Variants in ST7 observed in about 807,000 individuals in gnomAD.
ST7 encodes suppressor of tumorigenicity 7 protein.
ST7 carries 28 observed loss-of-function variants against 78.7 expected under a neutral mutation model. That is an observed-to-expected ratio of 0.36 (90% CI 0.26 to 0.49). The LOEUF is 0.49. ST7 is among the 20% of genes least tolerant of loss of function. The pLI, the probability that ST7 is intolerant of heterozygous loss-of-function variation, is 0.99. For missense variants in ST7, 418 were observed against 696.0 expected (o/e 0.60, Z 4.49); for synonymous variants, 247 against 249.6 (o/e 0.99, Z 0.10).
intron 1 of ST7, among the ~76,000 whole-genome samples, chr7:116,977,316 T>C (rs1459954861): frequency 2.0e-5 from 3 of 152,190 alleles, no homozygotes; most frequent in Non-Finnish European, 4.4e-5. Context: ...CTGCAAAAAA[T>C]GCAGATGTTG....
At chr7:117,226,734 G>C (rs1793472433) in intron 15 of ST7, among the ~76,000 whole-genome samples, 1 of 152,158 alleles carries the variant, frequency 6.6e-6, no homozygotes, top group Non-Finnish European at 1.5e-5. Flanking sequence ...TGTGGGGGAA[G>C]GTGGCTTAGT....
chr7:117,010,752 G>C (rs975326225), intron 1 of ST7, among the ~76,000 whole-genome samples: 1 of 152,082 alleles, frequency 6.6e-6, no homozygotes, highest in African/African-American at 2.4e-5. Context: ...TAACAAAGTC[G>C]GTTATTGTAT....
At chr7:117,125,209 A>C (rs1262172929) in intron 3 of ST7, among the ~76,000 whole-genome samples, 2 of 152,156 alleles carry the variant, frequency 1.3e-5, no homozygotes, top group African/African-American at 2.4e-5. Context: ...TTTAGTAGCT[A>C]GTGAACACTT....
intron 1 of ST7, 47 bp from the exon 2 acceptor site, chr7:117,099,709 ACATACT>A: frequency 2.3e-6 from 3 of 1,312,270 alleles, no homozygotes; most frequent in Non-Finnish European, 3.2e-6. Flanking sequence ...GGTTTTACTG[ACATACT>A]CATACATTCC....
At chr7:116,984,548 A>G (rs1794107610) in intron 1 of ST7, among the ~76,000 whole-genome samples, 1 of 152,100 alleles carries the variant, frequency 6.6e-6, no homozygotes, top group Non-Finnish European at 1.5e-5. Flanking sequence ...CCAGTAATAG[A>G]TGGCAGGGGG....
intron 1 of ST7, among the ~76,000 whole-genome samples, chr7:117,057,168 T>G (rs1798106076): frequency 6.6e-6 from 1 of 152,172 alleles, no homozygotes; most frequent in African/African-American, 2.4e-5. Context: ...AATTTAAAGG[T>G]TTTCATATAC....
chr7:117,154,019 G>A (rs1210739618), intron 9 of ST7, among the ~76,000 whole-genome samples: 1 of 152,152 alleles, frequency 6.6e-6, no homozygotes, highest in African/African-American at 2.4e-5. Context: ...GGAGTGCAGC[G>A]TGATGAATTA....
chr7:117,121,528 T>C (rs1803362736), intron 3 of ST7, among the ~76,000 whole-genome samples: 1 of 152,332 alleles, frequency 6.6e-6, no homozygotes, highest in East Asian at 1.9e-4. Flanking sequence ...TTATGAAATG[T>C]GGATGGGTTA....
At chr7:116,982,466 C>T (rs1452422873) in intron 1 of ST7, among the ~76,000 whole-genome samples, 1 of 152,080 alleles carries the variant, frequency 6.6e-6, no homozygotes, top group African/African-American at 2.4e-5. Flanking sequence ...TCAGGTGATC[C>T]GCCTGCCTCG....
intron 1 of ST7, among the ~76,000 whole-genome samples, chr7:117,022,552 A>G (rs1255172695): frequency 2.0e-5 from 3 of 152,168 alleles, no homozygotes; most frequent in Non-Finnish European, 4.4e-5. Flanking sequence ...TTTGGAGGCT[A>G]TTTTTTAGGT....
chr7:116,973,542 C>T (rs551108021), intron 1 of ST7, among the ~76,000 whole-genome samples: 1 of 152,290 alleles, frequency 6.6e-6, no homozygotes, highest in South Asian at 2.1e-4. Context: ...CAGGTGTGAG[C>T]ACTGCTCCTG....
intron 9 of ST7, among the ~76,000 whole-genome samples, chr7:117,162,470 A>G (rs1445747541): frequency 6.7e-6 from 1 of 149,372 alleles, no homozygotes; most frequent in Non-Finnish European, 1.5e-5. Flanking sequence ...TTATGATGGG[A>G]TTTTCCTCAT....
intron 9 of ST7, among the ~76,000 whole-genome samples, chr7:117,150,735 T>C (rs1176573156): frequency 6.6e-6 from 1 of 152,214 alleles, no homozygotes; most frequent in East Asian, 1.9e-4. Context: ...TTCCCTCTTC[T>C]CTGTTGAACT....
chr7:117,220,336 T>C (rs1792997218), intron 14 of ST7, among the ~76,000 whole-genome samples: 1 of 152,166 alleles, frequency 6.6e-6, no homozygotes, highest in Non-Finnish European at 1.5e-5. Flanking sequence ...TTCTCACCGT[T>C]CGAGTTTGAT....
chr7:117,056,332 G>T (rs1186928645), intron 1 of ST7, among the ~76,000 whole-genome samples: 1 of 152,112 alleles, frequency 6.6e-6, no homozygotes, highest in Admixed American at 6.5e-5. Flanking sequence ...AGAGTTACAT[G>T]AGATTAAAGA....
At chr7:117,182,162 T>A (rs1454830981) in intron 10 of ST7, among the ~76,000 whole-genome samples, 1 of 152,198 alleles carries the variant, frequency 6.6e-6, no homozygotes, top group African/African-American at 2.4e-5. Context: ...GTTCTAGATT[T>A]GTGATATTGG....
chr7:116,977,006 G>T (rs1167749532), intron 1 of ST7, among the ~76,000 whole-genome samples: 1 of 152,088 alleles, frequency 6.6e-6, no homozygotes, highest in Admixed American at 6.6e-5. Context: ...GAATAAGGAG[G>T]CTTTTTGTGA....
intron 1 of ST7, among the ~76,000 whole-genome samples, chr7:116,990,365 C>T (rs1356871207): frequency 6.6e-6 from 1 of 152,028 alleles, no homozygotes; most frequent in African/African-American, 2.4e-5. Context: ...AAACTCATTC[C>T]TTTTACTTTT....
At chr7:116,961,018 CT>C (rs1485401541) in intron 1 of ST7, among the ~76,000 whole-genome samples, 1 of 152,130 alleles carries the variant, frequency 6.6e-6, no homozygotes, top group Non-Finnish European at 1.5e-5. Context: ...CACTTTCAAT[CT>C]TTTGCATATG....
Sources: allele counts gnomAD v4.1 joint callset (sites outside exome capture counted in the v4.1 genomes callset), GRCh38; gene constraint gnomAD v4.1.1; transcripts MANE v1.5; gene names NCBI Gene and HGNC (gene_info 2026-07-23, HGNC 2026-07-21).